ABCA10: variants seen among roughly 807,000 people sequenced by gnomAD.
The protein encoded by ABCA10 is ATP binding cassette subfamily A member 10.
Under a neutral mutation model 187.5 loss-of-function variants are expected in ABCA10, and 169 were observed. The ratio of observed to expected loss-of-function variants is 0.90; its 90% confidence interval spans 0.80 to 1.02. The LOEUF (loss-of-function observed/expected upper bound fraction) is 1.02, where lower values mean the gene tolerates loss of function less well. Ranked by LOEUF, ABCA10 falls within the 50% of genes least tolerant of loss-of-function variation. ABCA10 has a pLI of 0.00. For missense variants in ABCA10, 1,727 were observed against 1,812.4 expected (o/e 0.95, Z 0.86); for synonymous variants, 574 against 601.8 (o/e 0.95, Z 0.68).
Position 69,174,381 on chromosome 17 carries a change from A to G in ABCA10, c.3062T>C (p.Ile1021Thr). 2 of 1,593,892 alleles carry G rather than the reference A, an allele frequency of 1.3e-6. No homozygotes were observed. The highest frequency in any genetic ancestry group is 1.7e-6 in the Non-Finnish European group (2 of 1,172,802). Residue 1021 changes from isoleucine to threonine, a missense_variant, in exon 25 of 39, where the codon ATT becomes ACT. Physicochemically the swap from Ile to Thr is moderately conservative, Grantham distance 89. Coordinates refer to ENST00000690296, the MANE Select transcript of ABCA10 (RefSeq NM_001377321.1). Reference protein sequence around the residue: ...ELMFVLVVCIIGCAVSLIFLT... With the variant: ...ELMFVLVVCITGCAVSLIFLT... ...GAATATAAGAGAAACTGCACAACCA[A>G]TTATGCATACCACCTGCAAATAATG...
chr17:69,174,031 T>C (rs1466336967), intron 25 of ABCA10, among the ~76,000 whole-genome samples: 1 of 152,102 alleles, frequency 6.6e-6, no homozygotes, highest in Non-Finnish European at 1.5e-5. Context: ...TTCCTACATA[T>C]ATTTTACTTC....
intron 9 of ABCA10, among the ~76,000 whole-genome samples, chr17:69,212,911 T>C (rs530443997): frequency 3.9e-5 from 6 of 152,350 alleles, no homozygotes; most frequent in African/African-American, 1.4e-4. Context: ...TCTGCTATTC[T>C]GTATCTTTTA....
At chr17:69,163,079 C>T (rs148105667) in intron 27 of ABCA10, among the ~76,000 whole-genome samples, 26 of 152,210 alleles carry the variant, frequency 1.7e-4, no homozygotes, top group African/African-American at 6.0e-4. Flanking sequence ...TCAGGTGGTC[C>T]ACCCACCTCG....
intron 34 of ABCA10, 68 bp downstream of exon 34, chr17:69,153,236 AC>A: frequency 6.6e-7 from 1 of 1,518,850 alleles, no homozygotes; most frequent in South Asian, 1.4e-5. Flanking sequence ...AAGAAACAAA[AC>A]AAAAACAAAA....
intron 9 of ABCA10, among the ~76,000 whole-genome samples, chr17:69,210,725 C>T (rs932811665): frequency 1.3e-5 from 2 of 151,360 alleles, no homozygotes; most frequent in African/African-American, 2.4e-5. Context: ...TGACTCCATC[C>T]AGGTTGCTGC....
At chr17:69,157,108 C>T (rs2074180395) in intron 27 of ABCA10, among the ~76,000 whole-genome samples, 185 bp from the exon 28 acceptor site, 1 of 152,012 alleles carries the variant, frequency 6.6e-6, no homozygotes. Context: ...TATTCAAACT[C>T]ACCCTCCCAC....
chr17:69,184,871 G>GTGTGTGTA (rs375695391), intron 20 of ABCA10, among the ~76,000 whole-genome samples: 23 of 148,062 alleles, frequency 1.6e-4, no homozygotes, highest in African/African-American at 5.5e-4. Flanking sequence ...GTGTGTGTGT[G>GTGTGTGTA]TATATATATA....
At position 69,197,094 on chromosome 17, in the gene ABCA10, C is replaced by A. The variant is rs1471849562; in HGVS notation, c.1204G>T (p.Gly402Ter). Residue 402 changes from glycine (G) to a stop codon, truncating the protein, a stop_gained, in exon 11 of 39, where the codon GGA (glycine) becomes TGA (stop). Transcript: ENST00000690296. LOFTEE classifies it high-confidence loss of function. ...RIRNVIKEYN[G>*]KTGKVEALQG... ...AATGCTTCTACTTTTCCAGTCTTTCCATTATATTCTTTTATAACATTTCTG... is the reference window on the plus strand; with the variant it reads ...AATGCTTCTACTTTTCCAGTCTTTCAATTATATTCTTTTATAACATTTCTG... 6.3e-7 allele frequency: 1 copy of A among 1,597,120 alleles called. No individual in the cohort carries two copies. Among genetic ancestry groups the A allele is most frequent in the Admixed American group, 1.7e-5 (1 of 59,124 alleles).
Position 69,210,183 on chromosome 17 carries a change from T to C in ABCA10, c.1006+4521A>G, listed in dbSNP as rs2074629254. On this transcript the variant is annotated intron_variant, in intron 9 of 38. Coordinates refer to ENST00000690296, the MANE Select transcript of ABCA10 (RefSeq NM_001377321.1). ...TAGTGGTTATTTCTTTTTTTTTTTTTTTTTTTTTTTTTTTTTTGAGACGGA... is the reference window on the plus strand; with the variant it reads ...TAGTGGTTATTTCTTTTTTTTTTTTCTTTTTTTTTTTTTTTTTGAGACGGA... Among the ~76,000 whole-genome samples, 5 of 101,142 alleles carry C rather than the reference T, an allele frequency of 4.9e-5. 1 individual carries two copies. The highest frequency in any genetic ancestry group is 8.9e-3 in the Middle Eastern group (2 of 224). The allele number at this position is 101,142 out of a possible 152,430, so 66.4% of individuals were successfully genotyped here. A position where few individuals can be genotyped will look rare whatever the true frequency, so the allele number is the denominator to read the frequency against.
At chr17:69,223,601 G>T in intron 3 of ABCA10, 1 of 393,982 alleles carries the variant, frequency 2.5e-6, no homozygotes. Flanking sequence ...AGATGAAAAA[G>T]CTGTTTATTT....
Position 69,182,138 on chromosome 17 carries a change from GAATA to G in ABCA10, c.2769+11_2769+14del. 6.5e-7 allele frequency: 1 copy of G among 1,545,680 alleles called. No homozygotes were observed. Among genetic ancestry groups the G allele is most frequent in the Non-Finnish European group, 8.7e-7 (1 of 1,146,162 alleles). ...TGCTGTGTTGCCTCTTATATAAGTC[GAATA>G]CTCTACTTACACGAGAAAATGAAGT... On this transcript the variant is annotated intron_variant, in intron 22 of 38. Coordinates refer to ENST00000690296, the MANE Select transcript of ABCA10 (RefSeq NM_001377321.1).
intron 22 of ABCA10, 184 bp from the exon 23 acceptor site, chr17:69,175,697 T>C (rs989947126): frequency 4.4e-6 from 2 of 457,158 alleles, no homozygotes; most frequent in Non-Finnish European, 7.8e-6. Flanking sequence ...AACAGCATGA[T>C]ATAAAAGAAA....
intron 27 of ABCA10, among the ~76,000 whole-genome samples, chr17:69,158,879 A>G (rs2074194264): frequency 6.6e-6 from 1 of 152,130 alleles, no homozygotes; most frequent in African/African-American, 2.4e-5. Context: ...CAGTCCATAG[A>G]TATAAGCAAA....
At position 69,215,817 on chromosome 17, in the gene ABCA10, G is replaced by A. The variant is rs757519373; in HGVS notation, c.856C>T (p.Gln286Ter). Residue 286 changes from glutamine to a stop codon, truncating the protein, a stop_gained and splice_region_variant, in exon 8 of 39, where the codon CAG (glutamine) becomes TAG (stop). Coordinates refer to ENST00000690296, the MANE Select transcript of ABCA10 (RefSeq NM_001377321.1). LOFTEE classifies it high-confidence loss of function. The part of the protein sequence containing the change: ...SPFAFTAGMA[Q>*]ITHLDNYLSG... ...TCTTGAAATAATTATGTTCTTACCT[G>A]GGCCATTCCAGCAGTGAAGGCAAAA... The A allele has an allele frequency of 1.9e-6, 3 of 1,564,830 alleles. No individual in the cohort carries two copies. Among genetic ancestry groups the A allele is most frequent in the African/African-American group, 2.8e-5 (2 of 72,110 alleles).
intron 18 of ABCA10, among the ~76,000 whole-genome samples, chr17:69,190,133 T>C (rs975944983): frequency 4.6e-5 from 7 of 152,106 alleles, no homozygotes; most frequent in South Asian, 2.1e-4. Flanking sequence ...AGCAGACAGA[T>C]GTTGGAAAGC....
intron 23 of ABCA10, 139 bp downstream of exon 23, chr17:69,175,267 T>A (rs1330778872): frequency 1.4e-6 from 1 of 703,088 alleles, no homozygotes; most frequent in Non-Finnish European, 2.3e-6. Flanking sequence ...TTTACTATAA[T>A]CTATACTGAT....
intron 9 of ABCA10, among the ~76,000 whole-genome samples, chr17:69,202,686 C>T (rs1418229682): frequency 6.6e-6 from 1 of 151,912 alleles, no homozygotes; most frequent in East Asian, 1.9e-4. Context: ...TGGAATTATA[C>T]AGGGATCTTT....
intron 16 of ABCA10, among the ~76,000 whole-genome samples, chr17:69,192,339 A>AC (rs58714267): frequency 1.3e-5 from 2 of 150,264 alleles, no homozygotes; most frequent in African/African-American, 2.5e-5. Context: ...AAACAAACAA[A>AC]AAAGTTGTAT....
At chr17:69,153,096 C>T (rs2074142803) in intron 34 of ABCA10, among the ~76,000 whole-genome samples, 1 of 151,994 alleles carries the variant, frequency 6.6e-6, no homozygotes, top group African/African-American at 2.4e-5. Flanking sequence ...CAAATATAAT[C>T]AAGAGTTTAT....
Sources: gnomAD v4.1 joint callset for allele counts (sites outside exome capture counted in the v4.1 genomes callset) on GRCh38, gnomAD v4.1.1 for gene constraint, MANE v1.5 for transcripts, NCBI Gene and HGNC (gene_info 2026-07-23, HGNC 2026-07-21) for gene names.